MEI4: variants seen among roughly 807,000 people sequenced by gnomAD.
MEI4 encodes the protein meiotic double-stranded break formation protein 4, also known as meiosis-specific protein MEI4.
Under a neutral mutation model 31.4 loss-of-function variants are expected in MEI4, and 27 were observed. The ratio of observed to expected loss-of-function variants is 0.86; its 90% confidence interval spans 0.63 to 1.19. The LOEUF is 1.19. Among genes scored for constraint, MEI4 ranks in the 50% most tolerant of loss-of-function variants. The pLI is 0.00. For synonymous variants in MEI4, 122 were observed against 145.4 expected (o/e 0.84, Z 1.16); for missense variants, 329 against 398.9 (o/e 0.82, Z 1.49).
chr6:77,714,234 AT>A (rs60659099), intron 2 of MEI4, among the ~76,000 whole-genome samples: 56,336 of 150,438 alleles, frequency 0.37, 11,801 homozygotes, highest in East Asian at 0.5. Flanking sequence ...ACACTTAAAA[AT>A]TTAAAAAAAA....
intron 4 of MEI4, among the ~76,000 whole-genome samples, chr6:77,860,038 T>G (rs1420024052): frequency 6.6e-6 from 1 of 152,210 alleles, no homozygotes; most frequent in Non-Finnish European, 1.5e-5. Flanking sequence ...TAACCAAATC[T>G]TACAGCTTAC....
intron 2 of MEI4, among the ~76,000 whole-genome samples, chr6:77,747,630 A>G (rs1318837760): frequency 3.3e-5 from 5 of 152,148 alleles, no homozygotes; most frequent in Non-Finnish European, 7.4e-5. Flanking sequence ...ACAGTTCAAG[A>G]TGAGATTTGG....
rs1216716359 is a variant in MEI4 at position 77,924,007 on chromosome 6, TAATTA to T, written c.*665_*669del. 1 of 151,458 alleles carries T rather than the reference TAATTA, an allele frequency of 6.6e-6. No individual in the cohort carries two copies. Among genetic ancestry groups the T allele is most frequent in the Non-Finnish European group, 1.5e-5 (1 of 67,802 alleles). 9.4% of individuals were successfully genotyped at this position (151,458 alleles called of 1,614,324 possible). A position where few individuals can be genotyped will look rare whatever the true frequency, so the allele number is the denominator to read the frequency against. ...CAACAAATACTTGTTTCAATTCTGTTAATTAAATATGTTATAATAGTCTTGTAATT... is the reference window on the plus strand; with the variant it reads ...CAACAAATACTTGTTTCAATTCTGTTAATATGTTATAATAGTCTTGTAATT... On this transcript the variant is annotated 3_prime_UTR_variant, in exon 5 of 5. Transcript: ENST00000684080.
At position 77,696,054 on chromosome 6, in the gene MEI4, G is replaced by A. The variant is rs546928162; in HGVS notation, c.232+5151G>A. On this transcript the variant is annotated intron_variant, in intron 2 of 4. Coordinates refer to ENST00000684080, the MANE Select transcript of MEI4 (RefSeq NM_001322247.2). ...GTGAATGGGAGTTCACTCATGATTC[G>A]GCTCTCTGTTTGTCTGTTCTTGGTG... Among the ~76,000 whole-genome samples the A allele has an allele frequency of 2.0e-4, 31 of 152,120 alleles. No homozygotes were observed. In the East Asian group the frequency reaches 3.1e-3, roughly 15 times the overall value.
chr6:77,687,483 G>C (rs1769079556), intron 1 of MEI4, among the ~76,000 whole-genome samples: 2 of 152,028 alleles, frequency 1.3e-5, no homozygotes, highest in South Asian at 4.1e-4. Context: ...CCTCAATTCT[G>C]ACACTAACTA....
chr6:77,909,294 A>G (rs1320814320), intron 4 of MEI4, among the ~76,000 whole-genome samples: 1 of 152,100 alleles, frequency 6.6e-6, no homozygotes, highest in African/African-American at 2.4e-5. Context: ...AGATCAACAA[A>G]ACTGATAGAC....
At chr6:77,915,251 T>G (rs1766518393) in intron 4 of MEI4, among the ~76,000 whole-genome samples, 1 of 152,124 alleles carries the variant, frequency 6.6e-6, no homozygotes, top group South Asian at 2.1e-4. Context: ...CTTTGTGTAT[T>G]TCCATAATGG....
intron 1 of MEI4, among the ~76,000 whole-genome samples, chr6:77,684,782 T>C (rs1442872301): frequency 6.6e-6 from 1 of 152,322 alleles, no homozygotes; most frequent in East Asian, 1.9e-4. Flanking sequence ...TGTTTCCAAA[T>C]CTTAGTTATT....
intron 4 of MEI4, among the ~76,000 whole-genome samples, chr6:77,905,185 T>C (rs889596375): frequency 2.0e-5 from 3 of 151,978 alleles, no homozygotes; most frequent in Non-Finnish European, 4.4e-5. Flanking sequence ...CAGTTTGCTG[T>C]TGTTGTTGTT....
Position 77,926,789 on chromosome 6 carries a change from C to G in MEI4, c.*3443C>G, listed in dbSNP as rs1766853660. On this transcript the variant is annotated 3_prime_UTR_variant, in exon 5 of 5. Coordinates refer to ENST00000684080, the MANE Select transcript of MEI4 (RefSeq NM_001322247.2). ...TCAGATTTATGAAACCAAGCTTTCT[C>G]TTAGCAGTCAATATAATGACCCAAC... 1.3e-5 allele frequency: 2 copies of G among 151,878 alleles called. No homozygotes were observed. The highest frequency in any genetic ancestry group is 4.1e-4 in the South Asian group (2 of 4,822). The allele number at this position is 151,878 out of a possible 1,614,324, so 9.4% of individuals were successfully genotyped here. A position where few individuals can be genotyped will look rare whatever the true frequency, so the allele number is the denominator to read the frequency against.
chr6:77,866,516 T>C (rs553358974), intron 4 of MEI4, among the ~76,000 whole-genome samples: 54 of 152,220 alleles, frequency 3.5e-4, no homozygotes, highest in African/African-American at 5.1e-4. Context: ...ATCCAACTTA[T>C]AAGGGATGTG....
At chr6:77,734,520 C>A (rs1290670388) in intron 2 of MEI4, among the ~76,000 whole-genome samples, 1 of 151,906 alleles carries the variant, frequency 6.6e-6, no homozygotes, top group Admixed American at 6.5e-5. Context: ...TTATTTTGAG[C>A]CTATTTGTGT....
intron 3 of MEI4, among the ~76,000 whole-genome samples, chr6:77,804,207 A>C (rs1484421170): frequency 6.6e-6 from 1 of 152,116 alleles, no homozygotes; most frequent in African/African-American, 2.4e-5. Flanking sequence ...ACCGCCTTGC[A>C]GTTTGATCTC....
chr6:77,859,960 T>C (rs1349090160), intron 4 of MEI4, among the ~76,000 whole-genome samples: 1 of 152,214 alleles, frequency 6.6e-6, no homozygotes, highest in African/African-American at 2.4e-5. Flanking sequence ...TTTATTAGCT[T>C]TTATTCCATT....
chr6:77,705,946 A>C (rs1205944449), intron 2 of MEI4, among the ~76,000 whole-genome samples: 5 of 152,160 alleles, frequency 3.3e-5, no homozygotes, highest in Non-Finnish European at 7.4e-5. Context: ...ATTGTTTCAC[A>C]GTTTTGTGGA....
chr6:77,864,010 C>T (rs1434787540), intron 4 of MEI4, among the ~76,000 whole-genome samples: 3 of 151,492 alleles, frequency 2.0e-5, no homozygotes, highest in Admixed American at 1.3e-4. Flanking sequence ...AAATAAAATC[C>T]TTTACAGACA....
chr6:77,770,544 A>G (rs190075938), intron 3 of MEI4, among the ~76,000 whole-genome samples: 2 of 152,304 alleles, frequency 1.3e-5, no homozygotes, highest in African/African-American at 2.4e-5. Flanking sequence ...CCAAATACCC[A>G]AGGCAATTTT....
chr6:77,666,876 T>C (rs563182781), intron 1 of MEI4, among the ~76,000 whole-genome samples: 23 of 122,030 alleles, frequency 1.9e-4, no homozygotes, highest in Non-Finnish European at 2.4e-4. Flanking sequence ...TGTGTGTGTG[T>C]GTGTGTGCGT....
chr6:77,843,006 A>G (rs1770400549), intron 4 of MEI4, among the ~76,000 whole-genome samples: 1 of 151,922 alleles, frequency 6.6e-6, no homozygotes, highest in South Asian at 2.1e-4. Flanking sequence ...AGAAAGAAAT[A>G]TTACCATTTA....
Sources: gnomAD v4.1 joint callset for allele counts (sites outside exome capture counted in the v4.1 genomes callset) on GRCh38, gnomAD v4.1.1 for gene constraint, MANE v1.5 for transcripts, NCBI Gene and HGNC (gene_info 2026-07-23, HGNC 2026-07-21) for gene names.